Variants in DBT observed in about 807,000 individuals in gnomAD.
DBT encodes dihydrolipoamide branched chain transacylase E2.
Under a neutral mutation model 51.3 loss-of-function variants are expected in DBT, and 40 were observed. The ratio of observed to expected loss-of-function variants is 0.78; its 90% CI spans 0.61 to 1.02. The LOEUF is 1.02. Ranked by LOEUF, DBT falls within the 50% of genes least tolerant of loss-of-function variation. The pLI is 0.00. For synonymous variants in DBT, 181 were observed against 190.4 expected, an observed-to-expected ratio of 0.95 and a Z score of 0.41; for missense variants, 510 against 580.2, an observed-to-expected ratio of 0.88 and a Z score of 1.24.
At chr1:100,221,357 C>CT (rs1662848760) in intron 4 of DBT, among the ~76,000 whole-genome samples, 3 of 152,052 alleles carry the variant, frequency 2.0e-5, no homozygotes, top group Admixed American at 1.3e-4. Context: ...TTTTGCTTTT[C>CT]TTTTTTTAAT....
At chr1:100,239,837 T>G (rs1209928478) in intron 2 of DBT, among the ~76,000 whole-genome samples, 3 of 127,128 alleles carry the variant, frequency 2.4e-5, no homozygotes, top group African/African-American at 3.2e-5. Flanking sequence ...CACTCCAGCC[T>G]GAGCAACAGA....
intron 5 of DBT, 79 bp downstream of exon 5, chr1:100,218,547 G>A (rs931388064): frequency 1.3e-6 from 2 of 1,486,598 alleles, no homozygotes; most frequent in Admixed American, 3.4e-5. Flanking sequence ...ATTTCATCAT[G>A]GGATAGTTGG....
chr1:100,237,749 A>T (rs1281977917), intron 2 of DBT, among the ~76,000 whole-genome samples: 1 of 152,006 alleles, frequency 6.6e-6, no homozygotes, highest in African/African-American at 2.4e-5. Flanking sequence ...TGATCCTCCC[A>T]CCTCAGCTAG....
Position 100,214,778 on chromosome 1 carries a change from T to A in DBT, c.939+39A>T, listed in dbSNP as rs763783060. On this transcript the variant is annotated intron_variant, in intron 7 of 10. Transcript: ENST00000370132. ...TCAAAAAGACAAACAAACAAATAAA[T>A]GTCCTACTCAAGCCTTGTTTGAAAT... is the stretch of plus-strand genomic sequence containing the variant. 3 of 1,598,732 alleles carry A rather than the reference T, an allele frequency of 1.9e-6. No homozygotes were observed. The South Asian group carries it at 3.3e-5, about 18-fold the overall frequency.
chr1:100,227,452 G>T (rs1663290093), intron 4 of DBT, among the ~76,000 whole-genome samples: 1 of 152,142 alleles, frequency 6.6e-6, no homozygotes, highest in Non-Finnish European at 1.5e-5. Context: ...GAGGAGAAAG[G>T]TCCACTTTAC....
In DBT at chr1:100,214,894, C is replaced by T; in HGVS notation, c.862G>A (p.Val288Ile). ...GGTTTTAATTCTTCTCGGAGCTTAA[C>T]CAGTTCAGTAAGGTCAATCTCATCA... ...YCDEIDLTEL[V>I]KLREELKPIA... The change falls in exon 7 of 11, where the codon GTT becomes ATT. Residue 288 changes from valine to isoleucine, a missense_variant. By Grantham distance (29) the Val-to-Ile change is conservative. Transcript: ENST00000370132. 6.2e-7 allele frequency: 1 copy of T among 1,613,944 alleles called. No individual in the cohort carries two copies. Among genetic ancestry groups the T allele is most frequent in the Non-Finnish European group, 8.5e-7 (1 of 1,179,846 alleles).
At position 100,193,745 on chromosome 1, in the gene DBT, G is replaced by A. The variant is rs1176912122; in HGVS notation, c.*2510C>T. On this transcript the variant is annotated 3_prime_UTR_variant, in exon 11 of 11. Coordinates refer to ENST00000370132, the MANE Select transcript of DBT (RefSeq NM_001918.5). ...CAGCCTCCCGAGTAGGTGGACTACA[G>A]GCGCCTGCCACCGTGCCTGGCTGAT... is the stretch of plus-strand genomic sequence containing the variant. 1 of 152,178 alleles carries A rather than the reference G, an allele frequency of 6.6e-6. No individual in the cohort carries two copies. Among genetic ancestry groups the A allele is most frequent in the African/African-American group, 2.4e-5 (1 of 41,414 alleles). 9.4% of individuals were successfully genotyped at this position (152,178 alleles called of 1,614,324 possible). A position where few individuals can be genotyped will look rare whatever the true frequency, so the allele number is the denominator to read the frequency against.
chr1:100,239,851 C>CAAAAAAAAA (rs56661922), intron 2 of DBT, among the ~76,000 whole-genome samples: 19 of 111,164 alleles, frequency 1.7e-4, no homozygotes, highest in South Asian at 3.0e-4. Flanking sequence ...CAACAGAGCT[C>CAAAAAAAAA]AAAAAAAAAA....
chr1:100,248,151 C>A (rs10127954), intron 1 of DBT, among the ~76,000 whole-genome samples: 116,435 of 151,240 alleles, frequency 0.77, 46,677 homozygotes, highest in East Asian at 0.94. Flanking sequence ...TTGTGCTAGC[C>A]GGGGCCATGT....
intron 6 of DBT, 146 bp downstream of exon 6, chr1:100,215,837 G>T: frequency 1.5e-6 from 1 of 662,912 alleles, no homozygotes; most frequent in Non-Finnish European, 2.7e-6. Flanking sequence ...AAAAAGAAAA[G>T]AAAAGAAAAA....
chr1:100,200,870 A>T (rs1036602456), intron 10 of DBT, among the ~76,000 whole-genome samples: 1 of 152,190 alleles, frequency 6.6e-6, no homozygotes, highest in African/African-American at 2.4e-5. Context: ...CAACATCAAC[A>T]AAAAGGACGA....
chr1:100,198,648 G>A (rs549209598), intron 10 of DBT, among the ~76,000 whole-genome samples: 50 of 152,188 alleles, frequency 3.3e-4, no homozygotes, highest in Non-Finnish European at 6.5e-4. Context: ...TTGAATTCTT[G>A]TTGGAAAAGA....
At chr1:100,235,819 T>C (rs532340038) in intron 2 of DBT, among the ~76,000 whole-genome samples, 1 of 152,170 alleles carries the variant, frequency 6.6e-6, no homozygotes, top group Non-Finnish European at 1.5e-5. Context: ...TTTGAAACAA[T>C]GTAATGAATA....
intron 10 of DBT, among the ~76,000 whole-genome samples, chr1:100,200,131 G>A (rs1380168584): frequency 2.0e-5 from 3 of 152,124 alleles, no homozygotes; most frequent in Non-Finnish European, 4.4e-5. Context: ...CAACCCCACG[G>A]AGCCCAGCAA....
chr1:100,239,851 CAAAAAAAAAAAA>C (rs56661922), intron 2 of DBT, among the ~76,000 whole-genome samples: 8 of 111,164 alleles, frequency 7.2e-5, no homozygotes, highest in South Asian at 6.0e-4. Flanking sequence ...CAACAGAGCT[CAAAAAAAAAAAA>C]AAAAAAAAAA....
At position 100,214,252 on chromosome 1, in the gene DBT, AG is replaced by A. The variant is rs1358048602; in HGVS notation, c.939+564del. Among the ~76,000 whole-genome samples, 3 of 152,256 alleles carry A rather than the reference AG, an allele frequency of 2.0e-5. No homozygotes were observed. In the South Asian group the frequency reaches 6.2e-4, roughly 32 times the overall value. On this transcript the variant is annotated intron_variant, in intron 7 of 10. Transcript: ENST00000370132. The stretch of plus-strand genomic sequence containing the variant: ...AAGACTTGGTTGGAGTGATCCTTTT[AG>A]GATCAGAGGCTTTACTTAACTGGCA...
chr1:100,210,621 A>G, intron 8 of DBT, 73 bp downstream of exon 8: 2 of 1,599,286 alleles, frequency 1.3e-6, no homozygotes, highest in East Asian at 4.5e-5. Context: ...GTACAATAGA[A>G]GTCTCTAATC....
At chr1:100,243,239 G>C (rs1664327002) in intron 1 of DBT, among the ~76,000 whole-genome samples, 1 of 144,608 alleles carries the variant, frequency 6.9e-6, no homozygotes, top group Non-Finnish European at 1.5e-5. Context: ...TTCAGCCTAG[G>C]TGACAGAGAG....
Position 100,207,753 on chromosome 1 carries a change from C to A in DBT, c.1018-1117G>T, listed in dbSNP as rs184694231. ...ACTTGGGAGGCTGAGGTGGGAGGAT[C>A]ATTTGACCTCAAGAGTTTTAGGTTA... is the stretch of plus-strand genomic sequence containing the variant. On this transcript the variant is annotated intron_variant, in intron 8 of 10. Coordinates refer to ENST00000370132, the MANE Select transcript of DBT (RefSeq NM_001918.5). Among the ~76,000 whole-genome samples, 1,275 of 151,574 alleles carry A rather than the reference C, an allele frequency of 8.4e-3. 11 individuals carry two copies. The highest frequency in any genetic ancestry group is 0.013 in the Non-Finnish European group (907 of 67,936).
Sources: gnomAD v4.1 joint callset for allele counts (sites outside exome capture counted in the v4.1 genomes callset) on GRCh38, gnomAD v4.1.1 for gene constraint, MANE v1.5 for transcripts, NCBI Gene and HGNC (gene_info 2026-07-23, HGNC 2026-07-21) for gene names.